CAPN7: variants seen among roughly 807,000 people sequenced by gnomAD.
CAPN7 encodes calpain-7.
Under a neutral mutation model 115.2 loss-of-function variants are expected in CAPN7, and 72 were observed. The ratio of observed to expected loss-of-function variants is 0.63; its 90% confidence interval spans 0.52 to 0.76. The LOEUF (loss-of-function observed/expected upper bound fraction) is 0.76, where lower values mean the gene tolerates loss of function less well. Among genes scored for constraint, CAPN7 ranks in the 30% least tolerant of loss-of-function variants. CAPN7 has a pLI of 0.00. For missense variants in CAPN7, 905 were observed against 971.5 expected (o/e 0.93, Z 0.91); for synonymous variants, 344 against 322.3 (o/e 1.07, Z -0.72).
chr3:15,220,199 CA>C (rs1278743502), intron 4 of CAPN7, among the ~76,000 whole-genome samples: 69 of 142,718 alleles, frequency 4.8e-4, no homozygotes, highest in South Asian at 2.0e-3. Flanking sequence ...AACGCCGTCT[CA>C]AAAAAAAAAA....
intron 9 of CAPN7, among the ~76,000 whole-genome samples, chr3:15,230,809 A>G (rs1222046879): frequency 1.3e-5 from 2 of 152,224 alleles, no homozygotes; most frequent in Non-Finnish European, 1.5e-5. Context: ...CTTAAAATAA[A>G]TTTTCATCTG....
chr3:15,232,708 C>T, intron 10 of CAPN7, 43 bp downstream of exon 10: 4 of 1,489,974 alleles, frequency 2.7e-6, no homozygotes, highest in Non-Finnish European at 3.6e-6. Context: ...TTTAAGCTAT[C>T]TAATATAACT....
rs780199611 is a variant in CAPN7, at chr3:15,220,790, G to A, written c.447G>A (p.Ala149=). Residue 149 remains alanine, a synonymous_variant, in exon 5 of 21, where the codon GCG becomes GCA. Coordinates refer to ENST00000253693, the MANE Select transcript of CAPN7 (RefSeq NM_014296.3). The stretch of plus-strand genomic sequence containing the variant: ...TTCCTCTCTGTTATAGAGCAGAAGC[G>A]CTGAGTGAGCCTTTGACCAAGCCAG... ...LARQALDRAE[A]LSEPLTKPVG... The A allele has an allele frequency of 4.2e-5, 67 of 1,613,996 alleles. No homozygotes were observed. In the South Asian group the frequency reaches 6.6e-4, roughly 16 times the overall value.
At position 15,232,671 on chromosome 3, in the gene CAPN7, T is replaced by C; in HGVS notation, c.1179+6T>C. The C allele has an allele frequency of 6.2e-7, 1 of 1,600,470 alleles. No homozygotes were observed. The highest frequency in any genetic ancestry group is 8.5e-7 in the Non-Finnish European group (1 of 1,174,988). On this transcript the variant is annotated splice_donor_region_variant and intron_variant, in intron 10 of 20. Transcript: ENST00000253693. ...ATTTTCCAGGATCCAACTCCGTAAG[T>C]AATAGATAAGACGATCCAGACACAG...
intron 16 of CAPN7, among the ~76,000 whole-genome samples, chr3:15,243,601 T>G (rs1695481483): frequency 6.6e-6 from 1 of 152,156 alleles, no homozygotes; most frequent in Non-Finnish European, 1.5e-5. Flanking sequence ...GAGGGCCTGA[T>G]GAAACAGTGA....
chr3:15,227,049 G>A (rs1220895181), intron 6 of CAPN7, among the ~76,000 whole-genome samples: 1 of 151,354 alleles, frequency 6.6e-6, no homozygotes, highest in East Asian at 1.9e-4. Flanking sequence ...CTTGGCTGGA[G>A]GATCGTTTAA....
intron 1 of CAPN7, among the ~76,000 whole-genome samples, chr3:15,206,828 G>C (rs1201420444): frequency 6.6e-6 from 1 of 152,250 alleles, no homozygotes; most frequent in Non-Finnish European, 1.5e-5. Context: ...TCCACCTGTA[G>C]TCCTGACTGG....
chr3:15,226,903 C>A (rs541596856), intron 6 of CAPN7, among the ~76,000 whole-genome samples: 1 of 151,510 alleles, frequency 6.6e-6, no homozygotes, highest in Non-Finnish European at 1.5e-5. Flanking sequence ...TATATACTTT[C>A]TATTACTAGG....
intron 2 of CAPN7, among the ~76,000 whole-genome samples, chr3:15,213,972 C>T (rs995406109): frequency 3.3e-5 from 5 of 151,774 alleles, no homozygotes; most frequent in East Asian, 1.9e-4. Flanking sequence ...GTTCCGCCTC[C>T]GGGGTTCACG....
intron 6 of CAPN7, 90 bp from the exon 7 acceptor site, chr3:15,227,749 C>G: frequency 1.2e-6 from 1 of 823,786 alleles, no homozygotes; most frequent in Non-Finnish European, 1.7e-6. Context: ...AATCACTAGA[C>G]CAAAAAAAAA....
rs534173775 is a variant in CAPN7 at position 15,206,736 on chromosome 3, T to C, written c.102+139T>C. The stretch of plus-strand genomic sequence containing the variant: ...CCTCGTCCGCCTCCCGGCCCTCCTC[T>C]TGTTGGGAGCGGCAAGCCCGAGTGC... On this transcript the variant is annotated intron_variant, in intron 1 of 20. Coordinates refer to ENST00000253693, the MANE Select transcript of CAPN7 (RefSeq NM_014296.3). 2.1e-4 allele frequency: 139 copies of C among 648,362 alleles called. 2 individuals carry two copies. In the South Asian group the frequency reaches 2.7e-3, roughly 12 times the overall value. 40.2% of individuals were successfully genotyped at this position (648,362 alleles called of 1,614,324 possible). A position where few individuals can be genotyped will look rare whatever the true frequency, so the allele number is the denominator to read the frequency against.
At chr3:15,217,257 AAAG>A (rs1350348207) in intron 2 of CAPN7, among the ~76,000 whole-genome samples, 165 bp from the exon 3 acceptor site, 10 of 150,366 alleles carry the variant, frequency 6.7e-5, no homozygotes, top group Admixed American at 1.3e-4. Flanking sequence ...AAAAAAAAAA[AAAG>A]AAGGGAGGAA....
rs1412906773 is a variant in CAPN7, at chr3:15,251,370, C to CT, written c.*111dup. On this transcript the variant is annotated 3_prime_UTR_variant, in exon 21 of 21. Coordinates refer to ENST00000253693, the MANE Select transcript of CAPN7 (RefSeq NM_014296.3). ...GAACAATCAGAATGGAATTAAATCT[C>CT]TAAAAACGTGTTACAGTGGAATCTG... 7.3e-6 allele frequency: 7 copies of CT among 953,298 alleles called. No individual in the cohort carries two copies. The East Asian group carries it at 1.7e-4, about 24-fold the overall frequency. 59.1% of individuals were successfully genotyped at this position (953,298 alleles called of 1,614,324 possible). A position where few individuals can be genotyped will look rare whatever the true frequency, so the allele number is the denominator to read the frequency against.
rs1694134372 is a variant in CAPN7, at chr3:15,223,692, A to G, written c.725+131A>G. 6.4e-6 allele frequency: 4 copies of G among 621,708 alleles called. No homozygotes were observed. In the East Asian group the frequency reaches 1.1e-4, roughly 17 times the overall value. The allele number at this position is 621,708 out of a possible 1,614,324, so 38.5% of individuals were successfully genotyped here. A position where few individuals can be genotyped will look rare whatever the true frequency, so the allele number is the denominator to read the frequency against. On this transcript the variant is annotated intron_variant, in intron 6 of 20. Transcript: ENST00000253693. Reference sequence around the variant, plus strand: ...TTGGAATAGAGGGGTGGCTGTGGGAAAGGGATAGGGCAACATAGCAAGAGC... The same window carrying G: ...TTGGAATAGAGGGGTGGCTGTGGGAGAGGGATAGGGCAACATAGCAAGAGC...
chr3:15,223,335 A>G (rs1694112859), intron 5 of CAPN7, 140 bp from the exon 6 acceptor site: 2 of 614,842 alleles, frequency 3.3e-6, no homozygotes, highest in South Asian at 1.9e-5. Flanking sequence ...AATATTGTCC[A>G]AAGATATATC....
intron 6 of CAPN7, among the ~76,000 whole-genome samples, chr3:15,224,558 C>G (rs985129465): frequency 2.6e-5 from 4 of 151,910 alleles, no homozygotes; most frequent in African/African-American, 9.7e-5. Context: ...CAGATGTGAG[C>G]CACTGTGCCT....
intron 5 of CAPN7, among the ~76,000 whole-genome samples, chr3:15,221,490 G>C (rs1053934038): frequency 4.6e-5 from 7 of 151,700 alleles, no homozygotes; most frequent in African/African-American, 1.7e-4. Flanking sequence ...ACTGTGCCCG[G>C]CTTTAGTTCC....
At position 15,240,483 on chromosome 3, in the gene CAPN7, T is replaced by G. The variant is rs746128288; in HGVS notation, c.1418T>G (p.Phe473Cys). 1 of 1,610,466 alleles carries G rather than the reference T, an allele frequency of 6.2e-7. No homozygotes were observed. Among genetic ancestry groups the G allele is most frequent in the Non-Finnish European group, 8.5e-7 (1 of 1,179,348 alleles). The part of the protein sequence containing the change: ...LDIREFKGLR[F>C]IQLKNPWSHL... ...TTCTTTTTTATATAGGGGCTGCGATTTATCCAGTTGAAAAATCCTTGGAGT... is the reference window on the plus strand; with the variant it reads ...TTCTTTTTTATATAGGGGCTGCGATGTATCCAGTTGAAAAATCCTTGGAGT... Residue 473 changes from phenylalanine to cysteine, a missense_variant, in exon 13 of 21, where the codon TTT becomes TGT. Phe to Cys is a radical substitution (Grantham distance 205). This residue lies in a region of CAPN7 where 620 missense variants were observed against 703.4 expected (regional missense o/e 0.88). Transcript: ENST00000253693.
At chr3:15,247,765 G>A (rs922204862) in intron 19 of CAPN7, among the ~76,000 whole-genome samples, 1 of 147,432 alleles carries the variant, frequency 6.8e-6, no homozygotes, top group Non-Finnish European at 1.5e-5. Context: ...CTCAAGAGAG[G>A]AAAGATTTCT....
Sources: gnomAD v4.1 joint callset for allele counts (sites outside exome capture counted in the v4.1 genomes callset) on GRCh38, gnomAD v4.1.1 for gene constraint, gnomAD v4.1.1 regional missense constraint, MANE v1.5 for transcripts, NCBI Gene and HGNC (gene_info 2026-07-23, HGNC 2026-07-21) for gene names.